NRG1: variants seen among roughly 807,000 people sequenced by gnomAD.
NRG1 encodes the protein neuregulin 1.
NRG1 carries 18 observed loss-of-function variants against 63.8 expected under a neutral mutation model. The ratio of observed to expected loss-of-function variants is 0.28; its 90% CI spans 0.19 to 0.42. The LOEUF (loss-of-function observed/expected upper bound fraction) is 0.42. Among genes scored for constraint, NRG1 ranks in the 10% least tolerant of loss-of-function variants. NRG1 has a pLI of 1.00. For synonymous variants in NRG1, 302 were observed against 301.3 expected (o/e 1.00, Z -0.02); for missense variants, 762 against 814.7 (o/e 0.94, Z 0.79).
chr8:32,275,711 T>C (rs1852025787), intron 1 of NRG1, among the ~76,000 whole-genome samples: 1 of 152,104 alleles, frequency 6.6e-6, no homozygotes, highest in African/African-American at 2.4e-5. Context: ...AACTCCAGTG[T>C]CTGCGCAAAT....
At chr8:31,985,212 G>A (rs1809849587) in intron 1 of NRG1, among the ~76,000 whole-genome samples, 1 of 152,054 alleles carries the variant, frequency 6.6e-6, no homozygotes, top group Admixed American at 6.6e-5. Flanking sequence ...AGAAAAAGGA[G>A]AGAGAGGAGA....
intron 1 of NRG1, among the ~76,000 whole-genome samples, chr8:31,993,275 C>T (rs1387605594): frequency 2.0e-5 from 3 of 151,994 alleles, no homozygotes; most frequent in Non-Finnish European, 4.4e-5. Flanking sequence ...AGGCATCCTA[C>T]ACAGCCAATT....
intron 1 of NRG1, among the ~76,000 whole-genome samples, chr8:32,112,892 C>G (rs1832219572): frequency 6.6e-6 from 1 of 152,172 alleles, no homozygotes; most frequent in African/African-American, 2.4e-5. Context: ...CACTTAAACT[C>G]TCTAAGCCAC....
chr8:32,348,971 T>C (rs1805253021), intron 1 of NRG1, among the ~76,000 whole-genome samples: 1 of 152,198 alleles, frequency 6.6e-6, no homozygotes, highest in Non-Finnish European at 1.5e-5. Flanking sequence ...AGAGTGCACT[T>C]AGTAGGTGTT....
intron 1 of NRG1, among the ~76,000 whole-genome samples, chr8:32,014,707 GC>G (rs1815238314): frequency 6.8e-6 from 1 of 147,636 alleles, no homozygotes. Flanking sequence ...TGAATTTTGA[GC>G]CCCCCAACCC....
intron 4 of NRG1, 34 bp downstream of exon 4, chr8:32,614,598 C>A: frequency 6.2e-7 from 1 of 1,601,932 alleles, no homozygotes; most frequent in South Asian, 1.1e-5. Flanking sequence ...TTTTACTAAC[C>A]AGAATGACAA....
chr8:32,048,984 A>G (rs553044219), intron 1 of NRG1, among the ~76,000 whole-genome samples: 2 of 152,066 alleles, frequency 1.3e-5, no homozygotes, highest in South Asian at 2.1e-4. Context: ...CTGTGGCTCC[A>G]TGGTGGATTC....
chr8:32,057,550 G>A (rs1359008826), intron 1 of NRG1, among the ~76,000 whole-genome samples: 1 of 152,132 alleles, frequency 6.6e-6, no homozygotes, highest in Non-Finnish European at 1.5e-5. Flanking sequence ...GGAGAGCTGA[G>A]TGAAATGTTT....
chr8:32,525,391 G>GGTGTGT (rs200594879), intron 1 of NRG1, among the ~76,000 whole-genome samples: 9,019 of 145,740 alleles, frequency 0.062, 542 homozygotes, highest in African/African-American at 0.16. Flanking sequence ...ATGAGGTAGG[G>GGTGTGT]GTGTGTGTGT....
intron 1 of NRG1, among the ~76,000 whole-genome samples, chr8:32,217,041 C>A (rs1011017656): frequency 6.6e-6 from 1 of 151,498 alleles, no homozygotes; most frequent in Non-Finnish European, 1.5e-5. Flanking sequence ...GGTGAAACCC[C>A]GTCTCTACTA....
chr8:32,600,667 T>C (rs964554470), intron 2 of NRG1, among the ~76,000 whole-genome samples: 4 of 152,180 alleles, frequency 2.6e-5, no homozygotes, highest in Admixed American at 6.6e-5. Context: ...CTAAAAGTAA[T>C]GCATGCTTAT....
At chr8:32,319,966 C>T (rs576128954) in intron 1 of NRG1, among the ~76,000 whole-genome samples, 5 of 152,114 alleles carry the variant, frequency 3.3e-5, no homozygotes, top group African/African-American at 9.6e-5. Flanking sequence ...AGTGCGTGAC[C>T]TTAGCCCCAG....
chr8:31,642,435 T>G (rs1282722548), intron 1 of NRG1, among the ~76,000 whole-genome samples: 1 of 152,224 alleles, frequency 6.6e-6, no homozygotes, highest in African/African-American at 2.4e-5. Context: ...TTATCAATTG[T>G]GTTAGTTATA....
intron 5 of NRG1, among the ~76,000 whole-genome samples, chr8:32,652,080 G>A (rs1855256442): frequency 2.0e-5 from 3 of 152,126 alleles, no homozygotes; most frequent in Admixed American, 6.5e-5. Context: ...CTCTGTCTCT[G>A]AGAATTTAAA....
At chr8:32,671,071 A>G (rs1271120287) in intron 5 of NRG1, among the ~76,000 whole-genome samples, 1 of 151,892 alleles carries the variant, frequency 6.6e-6, no homozygotes, top group Admixed American at 6.6e-5. Context: ...AACTTTTGCC[A>G]CTTAATTATT....
intron 1 of NRG1, among the ~76,000 whole-genome samples, chr8:32,564,147 T>C (rs1278139419): frequency 6.6e-6 from 1 of 152,214 alleles, no homozygotes; most frequent in African/African-American, 2.4e-5. Context: ...TCTGTCATTA[T>C]TACAATAATA....
At chr8:31,751,950 G>A (rs1478434967) in intron 1 of NRG1, among the ~76,000 whole-genome samples, 1 of 151,938 alleles carries the variant, frequency 6.6e-6, no homozygotes, top group Non-Finnish European at 1.5e-5. Context: ...TTAGGAGCAT[G>A]GATCACCTAT....
chr8:32,274,030 C>T (rs535712436), intron 1 of NRG1, among the ~76,000 whole-genome samples: 43 of 152,068 alleles, frequency 2.8e-4, no homozygotes, highest in Non-Finnish European at 5.7e-4. Context: ...AATGGAACAC[C>T]AAATGCCTAC....
chr8:32,254,287 G>T (rs1849442321), intron 1 of NRG1, among the ~76,000 whole-genome samples: 2 of 150,894 alleles, frequency 1.3e-5, no homozygotes, highest in Admixed American at 1.3e-4. Context: ...ATGTTAGGGT[G>T]TCTTTCCCAC....
Sources: allele counts gnomAD v4.1 joint callset (sites outside exome capture counted in the v4.1 genomes callset), GRCh38; gene constraint gnomAD v4.1.1; transcripts MANE v1.5; gene names NCBI Gene and HGNC (gene_info 2026-07-23, HGNC 2026-07-21).